Variants in LRTM2 observed in about 807,000 individuals in gnomAD.
LRTM2 encodes leucine rich repeat transmembrane protein 2.
Under a neutral mutation model 28.1 loss-of-function variants are expected in LRTM2, and 18 were observed. The observed-to-expected ratio is 0.64, with a 90% CI of 0.44 to 0.95. The LOEUF is 0.95. Among genes scored for constraint, LRTM2 ranks in the 40% least tolerant of loss-of-function variants. LRTM2 has a pLI of 0.00. For missense variants in LRTM2, 436 were observed against 497.2 expected (o/e 0.88, Z 1.17); for synonymous variants, 250 against 218.7 (o/e 1.14, Z -1.26).
At position 1,831,143 on chromosome 12, in the gene LRTM2, C is replaced by A. The variant is rs149196673; in HGVS notation, c.276C>A (p.Ser92=). Residue 92 remains serine (S), a synonymous_variant, in exon 4 of 5, where the codon TCC becomes TCA. Coordinates refer to ENST00000299194, the MANE Select transcript of LRTM2 (RefSeq NM_001039029.3). ...ALPSWAFANL[S]SLQRLDLSNN... ...CAAGCTGGGCTTTCGCCAACCTCTC[C>A]AGCCTGCAGCGGTTGGACCTGTCCA... The A allele has an allele frequency of 6.8e-6, 11 of 1,613,924 alleles. No homozygotes were observed. In the African/African-American group the frequency reaches 1.5e-4, roughly 22 times the overall value.
intron 1 of LRTM2, among the ~76,000 whole-genome samples, chr12:1,821,161 G>A (rs995688582): frequency 3.3e-5 from 5 of 152,322 alleles, no homozygotes; most frequent in South Asian, 2.1e-4. Context: ...TTGTGCTGTC[G>A]TTGTGCCCGG....
At position 1,823,566 on chromosome 12, in the gene LRTM2, C is replaced by A. The variant is rs1490465415; in HGVS notation, c.-259+2752C>A. Among the ~76,000 whole-genome samples the A allele has an allele frequency of 2.0e-5, 3 of 152,028 alleles. No homozygotes were observed. In the East Asian group the frequency reaches 5.8e-4, roughly 29 times the overall value. On this transcript the variant is annotated intron_variant, in intron 1 of 4. Transcript: ENST00000299194. ...GGGCCTCCTGCTCCCCCATGGCCTC[C>A]CCAGCCTTGGCTCCCCCAGAACAGA... is the stretch of plus-strand genomic sequence containing the variant.
intron 1 of LRTM2, among the ~76,000 whole-genome samples, chr12:1,824,786 C>T (rs148727172): frequency 1.3e-5 from 2 of 152,282 alleles, no homozygotes; most frequent in African/African-American, 4.8e-5. Context: ...TGGATGGAGG[C>T]GTGTTGGTAG....
In LRTM2 at chr12:1,835,040, G is replaced by C; in HGVS notation, c.*319G>C. On this transcript the variant is annotated 3_prime_UTR_variant, in exon 5 of 5. Transcript: ENST00000299194. ...AGGCTTCCGGACTGGGCATTCCCCT[G>C]TCGCCCTTCCTGCCCTGGGGTGGCC... The C allele has an allele frequency of 3.2e-6, 1 of 308,922 alleles. No individual in the cohort carries two copies. Among genetic ancestry groups the C allele is most frequent in the Non-Finnish European group, 6.0e-6 (1 of 168,050 alleles). 19.1% of individuals were successfully genotyped at this position (308,922 alleles called of 1,614,324 possible). A position where few individuals can be genotyped will look rare whatever the true frequency, so the allele number is the denominator to read the frequency against.
Position 1,834,155 on chromosome 12 carries a change from T to C in LRTM2, c.659-112T>C, listed in dbSNP as rs1592695940. The stretch of plus-strand genomic sequence containing the variant: ...GATGGTGATTCCAGGATTGACTACA[T>C]TGCTGATAAAAACTACCTTCTGGGG... On this transcript the variant is annotated intron_variant, in intron 4 of 4. Coordinates refer to ENST00000299194, the MANE Select transcript of LRTM2 (RefSeq NM_001039029.3). The surrounding 1 kb of genome is among the most constrained non-coding windows in gnomAD (Gnocchi z 7.6). 4.1e-6 allele frequency: 5 copies of C among 1,234,302 alleles called. No individual in the cohort carries two copies. In the African/African-American group the frequency reaches 4.5e-5, roughly 11 times the overall value. 76.5% of individuals were successfully genotyped at this position (1,234,302 alleles called of 1,614,324 possible).
rs1565695943 is a variant in LRTM2, at chr12:1,831,320, C to T, written c.453C>T (p.Gly151=). ...LLRHLDLSIN[G]LAQLPPGLFD... The stretch of plus-strand genomic sequence containing the variant: ...GCCACCTGGACCTGTCCATCAACGG[C>T]CTGGCCCAGTTGCCCCCTGGTCTTT... The change falls in exon 4 of 5, where the codon GGC becomes GGT. Residue 151 remains glycine (G), a synonymous_variant. Coordinates refer to ENST00000299194, the MANE Select transcript of LRTM2 (RefSeq NM_001039029.3). 1 of 1,613,802 alleles carries T rather than the reference C, an allele frequency of 6.2e-7. No individual in the cohort carries two copies. The highest frequency in any genetic ancestry group is 2.2e-5 in the East Asian group (1 of 44,876).
Position 1,828,117 on chromosome 12 carries a change from G to C in LRTM2, c.-32G>C. On this transcript the variant is annotated 5_prime_UTR_variant, in exon 3 of 5. Coordinates refer to ENST00000299194, the MANE Select transcript of LRTM2 (RefSeq NM_001039029.3). The surrounding 1 kb of genome is among the most constrained non-coding windows in gnomAD (Gnocchi z 4.2). ...ACCCAGGGGCTCCTCTCTCCCCAGA[G>C]CGACAGGGCCCGGAGAGCCGTGGGC... The C allele has an allele frequency of 1.3e-6, 2 of 1,505,870 alleles. No homozygotes were observed. Among genetic ancestry groups the C allele is most frequent in the Non-Finnish European group, 1.8e-6 (2 of 1,123,774 alleles). 93.3% of individuals were successfully genotyped at this position (1,505,870 alleles called of 1,614,324 possible). A position where few individuals can be genotyped will look rare whatever the true frequency, so the allele number is the denominator to read the frequency against.
chr12:1,823,819 T>A (rs1864209397), intron 1 of LRTM2, among the ~76,000 whole-genome samples: 1 of 152,156 alleles, frequency 6.6e-6, no homozygotes. Flanking sequence ...CGGGAGTGGA[T>A]CAGGCAATGC....
At chr12:1,827,858 G>A (rs1320834804) in intron 2 of LRTM2, 8 of 368,576 alleles carry the variant, frequency 2.2e-5, no homozygotes, top group Middle Eastern at 6.6e-4. Flanking sequence ...CACTGTGCCC[G>A]ACCCTCGGGC....
At chr12:1,824,971 G>A (rs1389983920) in intron 1 of LRTM2, among the ~76,000 whole-genome samples, 12 of 152,260 alleles carry the variant, frequency 7.9e-5, no homozygotes, top group Admixed American at 7.8e-4. Context: ...GGCAGGATTA[G>A]CTGCTAAGAG....
intron 1 of LRTM2, among the ~76,000 whole-genome samples, chr12:1,826,753 G>A (rs1864347535): frequency 3.3e-5 from 5 of 152,222 alleles, no homozygotes; most frequent in South Asian, 2.1e-4. Flanking sequence ...TGCTGTGGCC[G>A]CCTGAGGAGC....
intron 4 of LRTM2, 103 bp downstream of exon 4, chr12:1,831,628 G>A (rs988699669): frequency 2.1e-6 from 2 of 970,036 alleles, no homozygotes; most frequent in Non-Finnish European, 3.1e-6. Flanking sequence ...GAGCAGGCCA[G>A]GGGAAAGAAG....
At chr12:1,823,130 C>T (rs777939541) in intron 1 of LRTM2, 2 of 152,454 alleles carry the variant, frequency 1.3e-5, no homozygotes, top group African/African-American at 4.8e-5. Flanking sequence ...AGTGGGCACA[C>T]CCTAGGGCTA....
chr12:1,822,347 C>T (rs542557755), intron 1 of LRTM2, among the ~76,000 whole-genome samples: 27 of 152,154 alleles, frequency 1.8e-4, no homozygotes, highest in Admixed American at 1.2e-3. Context: ...TCTGGGAGTT[C>T]TGGGGGTGGG....
At chr12:1,821,371 A>G (rs1592674554) in intron 1 of LRTM2, among the ~76,000 whole-genome samples, 1 of 152,176 alleles carries the variant, frequency 6.6e-6, no homozygotes, top group African/African-American at 2.4e-5. Context: ...GTCCTTGGAC[A>G]AGGGTGTGGA....
Position 1,828,238 on chromosome 12 carries a change from A to C in LRTM2, c.67+23A>C. Reference sequence around the variant, plus strand: ...CCTGTGAGTACACCCCTGGCCTCGGAGGGGGGTGCGGGTTGGGTGGGGGTG... The same window carrying C: ...CCTGTGAGTACACCCCTGGCCTCGGCGGGGGGTGCGGGTTGGGTGGGGGTG... On this transcript the variant is annotated intron_variant, in intron 3 of 4. Transcript: ENST00000299194. This position sits in a 1 kb window ranked among gnomAD's most constrained non-coding sequence, Gnocchi z 4.2. The C allele has an allele frequency of 7.5e-7, 1 of 1,331,418 alleles. No homozygotes were observed. The highest frequency in any genetic ancestry group is 1.0e-6 in the Non-Finnish European group (1 of 972,630). The allele number at this position is 1,331,418 out of a possible 1,614,324, so 82.5% of individuals were successfully genotyped here.
In LRTM2 at chr12:1,829,455, C is replaced by T. The variant is rs777421763; in HGVS notation, c.67+1240C>T. ...TGGCCAGAAAAAGGGTCTCCGGTGGCTTCCATGGCTGTACCTGTGCTCACT... is the reference window on the plus strand; with the variant it reads ...TGGCCAGAAAAAGGGTCTCCGGTGGTTTCCATGGCTGTACCTGTGCTCACT... On this transcript the variant is annotated intron_variant, in intron 3 of 4. Coordinates refer to ENST00000299194, the MANE Select transcript of LRTM2 (RefSeq NM_001039029.3). The surrounding 1 kb of genome is among the most constrained non-coding windows in gnomAD (Gnocchi z 4.2). Among the ~76,000 whole-genome samples the T allele has an allele frequency of 9.9e-5, 15 of 152,034 alleles. No individual in the cohort carries two copies. Among genetic ancestry groups the T allele is most frequent in the Non-Finnish European group, 2.1e-4 (14 of 67,982 alleles).
At position 1,832,291 on chromosome 12, in the gene LRTM2, G is replaced by T. The variant is rs367610788; in HGVS notation, c.658+766G>T. On this transcript the variant is annotated intron_variant, in intron 4 of 4. Coordinates refer to ENST00000299194, the MANE Select transcript of LRTM2 (RefSeq NM_001039029.3). Reference sequence around the variant, plus strand: ...TTACCCTTTCGCTGTGGCAGGGCCTGGTCTGTAAAGTGGGAAGGAAACAAT... The same window carrying T: ...TTACCCTTTCGCTGTGGCAGGGCCTTGTCTGTAAAGTGGGAAGGAAACAAT... Among the ~76,000 whole-genome samples, 9 of 152,260 alleles carry T rather than the reference G, an allele frequency of 5.9e-5. 1 individual carries two copies. Among genetic ancestry groups the T allele is most frequent in the Admixed American group, 3.9e-4 (6 of 15,290 alleles).
intron 1 of LRTM2, among the ~76,000 whole-genome samples, chr12:1,824,202 C>A (rs532003191): frequency 6.6e-6 from 1 of 152,158 alleles, no homozygotes; most frequent in Non-Finnish European, 1.5e-5. Flanking sequence ...TGGCCGTTTG[C>A]CCTGCTGAGA....
Sources: allele counts gnomAD v4.1 joint callset (sites outside exome capture counted in the v4.1 genomes callset), GRCh38; gene constraint gnomAD v4.1.1; non-coding constraint Gnocchi (gnomAD v3.1); transcripts MANE v1.5; gene names NCBI Gene and HGNC (gene_info 2026-07-23, HGNC 2026-07-21).